Variants in SUPT3H observed in about 807,000 individuals in gnomAD.
The protein encoded by SUPT3H is SPT3 homolog, SAGA and STAGA complex component, also known as transcription initiation protein SPT3 homolog.
A neutral mutation model predicts 44.3 loss-of-function variants in SUPT3H; 44 were observed. The observed-to-expected ratio is 0.99, with a 90% CI of 0.78 to 1.28. SUPT3H has a LOEUF of 1.28. Among genes scored for constraint, SUPT3H ranks in the 50% most tolerant of loss-of-function variants. The pLI, the probability that SUPT3H is intolerant of heterozygous loss-of-function variation, is 0.00. For synonymous variants in SUPT3H, 124 were observed against 125.6 expected, an observed-to-expected ratio of 0.99 and a Z score of 0.09; for missense variants, 380 against 387.1, an observed-to-expected ratio of 0.98 and a Z score of 0.15.
At chr6:44,842,098 G>A (rs1771037850) in intron 10 of SUPT3H, among the ~76,000 whole-genome samples, 1 of 152,192 alleles carries the variant, frequency 6.6e-6, no homozygotes. Context: ...ACACCAGAGT[G>A]CAGATGGCCT....
chr6:45,164,393 T>A (rs554968456), intron 2 of SUPT3H, among the ~76,000 whole-genome samples: 1 of 152,290 alleles, frequency 6.6e-6, no homozygotes, highest in East Asian at 1.9e-4. Context: ...GAGCAATAGT[T>A]GAGAATTTGC....
At chr6:45,144,798 T>C (rs747037024) in intron 2 of SUPT3H, among the ~76,000 whole-genome samples, 5 of 152,104 alleles carry the variant, frequency 3.3e-5, no homozygotes, top group Admixed American at 2.0e-4. Flanking sequence ...GATAAATGAA[T>C]TCATTTGATA....
At chr6:44,956,267 G>A (rs1025278982) in intron 7 of SUPT3H, among the ~76,000 whole-genome samples, 1 of 151,786 alleles carries the variant, frequency 6.6e-6, no homozygotes, top group African/African-American at 2.4e-5. Context: ...GGCAGATCAC[G>A]AGGTCAAGAG....
At chr6:44,885,070 C>G (rs1778929768) in intron 10 of SUPT3H, among the ~76,000 whole-genome samples, 1 of 152,130 alleles carries the variant, frequency 6.6e-6, no homozygotes, top group South Asian at 2.1e-4. Flanking sequence ...GGAAGGGGCA[C>G]CCGCCATTGC....
intron 10 of SUPT3H, among the ~76,000 whole-genome samples, chr6:44,865,795 A>G (rs939062478): frequency 3.3e-5 from 5 of 152,196 alleles, no homozygotes; most frequent in Admixed American, 2.6e-4. Flanking sequence ...GACTTGAGGT[A>G]CATCACATAT....
intron 2 of SUPT3H, among the ~76,000 whole-genome samples, chr6:45,204,611 T>C (rs36011458): frequency 0.013 from 2,047 of 152,278 alleles, 33 homozygotes; most frequent in Middle Eastern, 0.037. Context: ...TTTTAACATA[T>C]CGAGTCATCA....
chr6:44,943,287 T>C (rs1582655224), intron 9 of SUPT3H, among the ~76,000 whole-genome samples: 2 of 151,628 alleles, frequency 1.3e-5, no homozygotes, highest in Middle Eastern at 6.8e-3. Flanking sequence ...CAGAAAGAAA[T>C]GTATAGAAGA....
intron 2 of SUPT3H, among the ~76,000 whole-genome samples, chr6:45,171,727 T>TTTC (rs1240183902): frequency 7.0e-6 from 1 of 142,526 alleles, no homozygotes; most frequent in African/African-American, 2.6e-5. Flanking sequence ...TTTTTTTTTT[T>TTTC]TTTTTTTTTT....
chr6:45,376,776 A>G (rs1422017830), intron 1 of SUPT3H, among the ~76,000 whole-genome samples: 3 of 152,236 alleles, frequency 2.0e-5, no homozygotes, highest in African/African-American at 7.2e-5. Context: ...AAATCTTTGC[A>G]GGGCGAATTT....
At chr6:45,328,197 A>T in intron 2 of SUPT3H, 1 of 1,051,500 alleles carries the variant, frequency 9.5e-7, no homozygotes, top group Non-Finnish European at 1.2e-6. Flanking sequence ...GAAAAGCCAC[A>T]GTGGTAGGCA....
chr6:44,832,707 TGAG>T (rs1769054775), intron 10 of SUPT3H, among the ~76,000 whole-genome samples: 1 of 152,100 alleles, frequency 6.6e-6, no homozygotes, highest in South Asian at 2.1e-4. Flanking sequence ...TTTTTTTAAT[TGAG>T]GACCCAATTT....
chr6:44,968,518 G>A (rs1424751804), intron 6 of SUPT3H, among the ~76,000 whole-genome samples: 4 of 152,048 alleles, frequency 2.6e-5, no homozygotes, highest in Non-Finnish European at 4.4e-5. Flanking sequence ...TGCTGGGTCA[G>A]TTTGTAATTT....
intron 2 of SUPT3H, among the ~76,000 whole-genome samples, chr6:45,305,593 T>C (rs1321131550): frequency 1.3e-5 from 2 of 152,230 alleles, no homozygotes; most frequent in East Asian, 3.8e-4. Context: ...CATTGTTCAC[T>C]ACAAAATCCT....
intron 2 of SUPT3H, among the ~76,000 whole-genome samples, chr6:45,238,035 C>A (rs1012819508): frequency 1.3e-5 from 2 of 152,176 alleles, no homozygotes; most frequent in African/African-American, 4.8e-5. Flanking sequence ...CAACCTGCAG[C>A]CTGCTAAGCA....
chr6:45,152,137 T>C lies in SUPT3H; in HGVS notation c.102-46131A>G, dbSNP rs371502838. 1.9e-4 allele frequency among the ~76,000 whole-genome samples: 29 copies of C among 152,254 alleles called. 1 individual carries two copies. Among genetic ancestry groups the C allele is most frequent in the East Asian group, 1.7e-3 (9 of 5,178 alleles). ...TGATCCCACTGCTAACTTGGTATCA[T>C]AAACAGAACACACCCAAAATTAAGA... On this transcript the variant is annotated intron_variant, in intron 2 of 10. Transcript: ENST00000371459.
At chr6:45,177,440 T>G (rs1326592100) in intron 2 of SUPT3H, among the ~76,000 whole-genome samples, 4 of 152,176 alleles carry the variant, frequency 2.6e-5, no homozygotes, top group Non-Finnish European at 4.4e-5. Context: ...AATCTACGTC[T>G]GATTGGTGTA....
At chr6:45,279,961 CCTAT>C (rs1022128225) in intron 2 of SUPT3H, among the ~76,000 whole-genome samples, 6 of 152,206 alleles carry the variant, frequency 3.9e-5, no homozygotes, top group South Asian at 2.1e-4. Context: ...GATGACCATT[CCTAT>C]CTATTTAGTT....
chr6:45,091,060 T>TTA, intron 3 of SUPT3H, among the ~76,000 whole-genome samples: 1 of 152,100 alleles, frequency 6.6e-6, no homozygotes, highest in Middle Eastern at 3.4e-3. Flanking sequence ...TCAAGTATGT[T>TTA]TAAATTCCTT....
rs973139755 is a variant in SUPT3H at position 45,336,393 on chromosome 6, T to G, written c.101+28808A>C. 4.0e-5 allele frequency among the ~76,000 whole-genome samples: 6 copies of G among 151,528 alleles called. No homozygotes were observed. The East Asian group carries it at 5.8e-4, about 15-fold the overall frequency. ...AGAAAACACATAAAGTGATCTGTTTTTAACATTATCACTCACAAGTACCCA... is the reference window on the plus strand; with the variant it reads ...AGAAAACACATAAAGTGATCTGTTTGTAACATTATCACTCACAAGTACCCA... On this transcript the variant is annotated intron_variant, in intron 2 of 10. Transcript: ENST00000371459.
Sources: allele counts gnomAD v4.1 joint callset (sites outside exome capture counted in the v4.1 genomes callset), GRCh38; gene constraint gnomAD v4.1.1; transcripts MANE v1.5; gene names NCBI Gene and HGNC (gene_info 2026-07-23, HGNC 2026-07-21).